TF: variants seen among roughly 807,000 people sequenced by gnomAD.
TF encodes transferrin.
Under a neutral mutation model 82.4 loss-of-function variants are expected in TF, and 55 were observed. The ratio of observed to expected loss-of-function variants is 0.67; its 90% CI spans 0.54 to 0.84. The LOEUF (loss-of-function observed/expected upper bound fraction) is 0.84. Among genes scored for constraint, TF ranks in the 40% least tolerant of loss-of-function variants. The pLI is 0.00. For missense variants in TF, 737 were observed against 868.4 expected (o/e 0.85, Z 1.90); for synonymous variants, 332 against 332.6 (o/e 1.00, Z 0.02).
the TF span, among the ~76,000 whole-genome samples, chr3:133,662,868 T>C: frequency 6.6e-6 from 1 of 152,234 alleles, no homozygotes; most frequent in Non-Finnish European, 1.5e-5. Flanking sequence ...GCCATGTCCC[T>C]TGATTGTTTT....
chr3:133,785,140 G>C lies in TF; in HGVS notation c.*6520G>C, dbSNP rs1278852266. 8.4e-6 allele frequency: 1 copy of C among 119,278 alleles called. No individual in the cohort carries two copies. Among genetic ancestry groups the C allele is most frequent in the African/African-American group, 3.1e-5 (1 of 32,782 alleles). 7.4% of individuals were successfully genotyped at this position (119,278 alleles called of 1,614,324 possible). ...AGGGAGGTGGGGGGGTCAGCCCCCCGCCCGGCCAGCCGCCCTGTCCGGGAG... is the reference window on the plus strand; with the variant it reads ...AGGGAGGTGGGGGGGTCAGCCCCCCCCCCGGCCAGCCGCCCTGTCCGGGAG... On this transcript the variant is annotated 3_prime_UTR_variant, in exon 17 of 17. Coordinates refer to ENST00000402696, the MANE Select transcript of TF (RefSeq NM_001063.4).
At chr3:133,749,962 G>C (rs1933614294) in intron 2 of TF, among the ~76,000 whole-genome samples, 1 of 152,176 alleles carries the variant, frequency 6.6e-6, no homozygotes, top group Admixed American at 6.5e-5. Context: ...GGCCAGCTGT[G>C]TCTGATAGCT....
chr3:133,709,363 C>T, the TF span: 47 of 152,652 alleles, frequency 3.1e-4, no homozygotes, highest in African/African-American at 1.1e-3. Flanking sequence ...TGGAGAATAC[C>T]AGCTCCAGCA....
At chr3:133,752,224 C>T (rs897543405) in intron 2 of TF, among the ~76,000 whole-genome samples, 2 of 151,716 alleles carry the variant, frequency 1.3e-5, no homozygotes, top group African/African-American at 2.4e-5. Context: ...TCCCAAGTGG[C>T]TGGTATTACA....
At chr3:133,742,872 G>A (rs962494097), upstream of TF, among the ~76,000 whole-genome samples, 2 of 152,220 alleles carry the variant, frequency 1.3e-5, no homozygotes, top group African/African-American at 4.8e-5. Flanking sequence ...CACAAGCGCA[G>A]CTATTTCTTT....
Position 133,785,179 on chromosome 3 carries a change from T to G in TF, c.*6559T>G, listed in dbSNP as rs1576372207. 1.2e-5 allele frequency: 1 copy of G among 82,608 alleles called. No individual in the cohort carries two copies. The highest frequency in any genetic ancestry group is 2.5e-5 in the Non-Finnish European group (1 of 39,656). The allele number at this position is 82,608 out of a possible 1,614,324, so 5.1% of individuals were successfully genotyped here. A position where few individuals can be genotyped will look rare whatever the true frequency, so the allele number is the denominator to read the frequency against. ...CCTGTCCGGGAGGGAGGTGGGGGGG[T>G]CAGCCCTCCGCCCGGCCAGCCGCCC... On this transcript the variant is annotated 3_prime_UTR_variant, in exon 17 of 17. Coordinates refer to ENST00000402696, the MANE Select transcript of TF (RefSeq NM_001063.4).
At chr3:133,756,203 G>A (rs1933824612) in intron 5 of TF, 79 bp from the exon 6 acceptor site, 5 of 1,416,922 alleles carry the variant, frequency 3.5e-6, no homozygotes, top group Non-Finnish European at 4.9e-6. Context: ...GTGAGTGCTG[G>A]ACAGTGTGAT....
At chr3:133,726,869 G>A in the TF span, among the ~76,000 whole-genome samples, 29 of 152,024 alleles carry the variant, frequency 1.9e-4, no homozygotes, top group African/African-American at 4.3e-4. Flanking sequence ...CTTTGTTCTC[G>A]TTGGTTTCAA....
At chr3:133,758,929 A>G (rs971018510) in intron 8 of TF, among the ~76,000 whole-genome samples, 4 of 152,226 alleles carry the variant, frequency 2.6e-5, no homozygotes, top group African/African-American at 9.6e-5. Flanking sequence ...CAGAGGTCAT[A>G]TAGTGCCCAG....
chr3:133,677,095 G>A, the TF span, among the ~76,000 whole-genome samples: 1 of 152,220 alleles, frequency 6.6e-6, no homozygotes, highest in African/African-American at 2.4e-5. Context: ...AGGAGCCAAG[G>A]GCTCAGACAG....
intron 10 of TF, 143 bp from the exon 11 acceptor site, chr3:133,764,732 T>A: frequency 1.3e-6 from 1 of 781,300 alleles, no homozygotes; most frequent in South Asian, 1.7e-5. Flanking sequence ...ATCCAGAGAG[T>A]CTGGACTTGT....
the TF span, among the ~76,000 whole-genome samples, chr3:133,698,919 C>T: frequency 1.3e-4 from 20 of 152,228 alleles, no homozygotes; most frequent in Non-Finnish European, 2.1e-4. Context: ...ATCTCTCAAC[C>T]CTCTCACCTT....
At chr3:133,695,084 C>T in the TF span, among the ~76,000 whole-genome samples, 2 of 151,948 alleles carry the variant, frequency 1.3e-5, no homozygotes, top group African/African-American at 2.4e-5. Context: ...TGAGGAAAGA[C>T]TGATACTCAG....
chr3:133,752,755 GGAAGTGACTTAA>G (rs1162086404), intron 2 of TF, among the ~76,000 whole-genome samples: 1 of 152,154 alleles, frequency 6.6e-6, no homozygotes, highest in African/African-American at 2.4e-5. Flanking sequence ...TGTGGCCCAG[GGAAGTGACTTAA>G]CCTTTCTGTG....
At chr3:133,713,840 G>T in the TF span, among the ~76,000 whole-genome samples, 1 of 152,056 alleles carries the variant, frequency 6.6e-6, no homozygotes, top group African/African-American at 2.4e-5. Flanking sequence ...TCCTTGGTGG[G>T]GTATGGGGGG....
In TF at chr3:133,767,015, T is replaced by C. The variant is rs8177283; in HGVS notation, c.1486+582T>C. On this transcript the variant is annotated intron_variant, in intron 12 of 16. Transcript: ENST00000402696. ...CATCTGGAAATGTCCCTACCCCAGATAAAACCAGATTTTTGTTACAAAGTA... is the reference window on the plus strand; with the variant it reads ...CATCTGGAAATGTCCCTACCCCAGACAAAACCAGATTTTTGTTACAAAGTA... Among the ~76,000 whole-genome samples the C allele has an allele frequency of 8.7e-3, 1,323 of 152,308 alleles. 17 individuals carry two copies. Among genetic ancestry groups the C allele is most frequent in the African/African-American group, 0.03 (1,240 of 41,562 alleles).
the TF span, among the ~76,000 whole-genome samples, chr3:133,681,268 C>T: frequency 6.6e-5 from 10 of 152,304 alleles, no homozygotes; most frequent in African/African-American, 9.6e-5. Context: ...CAGCTCCCAG[C>T]GTGAGCTACG....
At chr3:133,708,710 A>T in the TF span, among the ~76,000 whole-genome samples, 2 of 150,338 alleles carry the variant, frequency 1.3e-5, no homozygotes, top group Non-Finnish European at 3.0e-5. Context: ...ACTTATATGT[A>T]TATATGTATA....
At chr3:133,671,571 G>A in the TF span, among the ~76,000 whole-genome samples, 3 of 151,922 alleles carry the variant, frequency 2.0e-5, no homozygotes, top group South Asian at 6.2e-4. Flanking sequence ...ATCACTTGAG[G>A]CCAGGAGTTC....
Sources: allele counts gnomAD v4.1 joint callset (sites outside exome capture counted in the v4.1 genomes callset), GRCh38; gene constraint gnomAD v4.1.1; transcripts MANE v1.5; gene names NCBI Gene and HGNC (gene_info 2026-07-23, HGNC 2026-07-21).